The following STPG4 variants were observed in gnomAD, a reference collection of about 807,000 sequenced individuals.
STPG4 encodes the protein sperm-tail PG-rich repeat containing 4, also known as protein STPG4.
In STPG4, 41 loss-of-function variants were observed where a neutral mutation model predicts 31.5. The observed-to-expected ratio is 1.30, with a 90% CI of 1.01 to 1.69. The LOEUF (loss-of-function observed/expected upper bound fraction) is 1.69. Ranked by LOEUF, STPG4 falls within the 40% of genes most tolerant of loss-of-function variation. STPG4 has a pLI of 0.00. For missense variants in STPG4, 375 were observed against 293.4 expected (o/e 1.28, Z -2.03); for synonymous variants, 141 against 103.0 (o/e 1.37, Z -2.24).
chr2:47,112,140 G>A (rs964141826), intron 5 of STPG4, among the ~76,000 whole-genome samples: 1 of 152,008 alleles, frequency 6.6e-6, no homozygotes, highest in Admixed American at 6.6e-5. Context: ...TTTTTCATAG[G>A]TTAACCTTTG....
chr2:47,133,576 T>TTTTTTTTG, intron 3 of STPG4, among the ~76,000 whole-genome samples: 1 of 123,282 alleles, frequency 8.1e-6, no homozygotes, highest in East Asian at 2.3e-4. Context: ...AAATCTTTTT[T>TTTTTTTTG]TTTTTTTTTT....
intron 5 of STPG4, among the ~76,000 whole-genome samples, chr2:47,118,487 G>C (rs1181983736): frequency 6.6e-6 from 1 of 152,088 alleles, no homozygotes; most frequent in African/African-American, 2.4e-5. Flanking sequence ...TAGAAATAAG[G>C]TGCACAATAA....
At chr2:47,087,283 C>T (rs551733294) in intron 6 of STPG4, among the ~76,000 whole-genome samples, 153 bp from the exon 7 acceptor site, 7 of 152,346 alleles carry the variant, frequency 4.6e-5, no homozygotes, top group African/African-American at 1.4e-4. Context: ...GGCAGACCCT[C>T]GAATTGGAGC....
At chr2:47,119,692 G>C (rs1686227828) in intron 5 of STPG4, among the ~76,000 whole-genome samples, 1 of 152,150 alleles carries the variant, frequency 6.6e-6, no homozygotes, top group Non-Finnish European at 1.5e-5. Context: ...TTGTAGAACA[G>C]ACTAGGGGCT....
intron 5 of STPG4, among the ~76,000 whole-genome samples, chr2:47,104,418 T>C (rs1035510741): frequency 2.0e-5 from 3 of 152,004 alleles, no homozygotes; most frequent in Non-Finnish European, 2.9e-5. Context: ...GACTCATTAA[T>C]GAGGCAGAAA....
intron 5 of STPG4, among the ~76,000 whole-genome samples, chr2:47,096,996 C>G (rs757973108): frequency 2.6e-5 from 4 of 151,926 alleles, no homozygotes; most frequent in Non-Finnish European, 5.9e-5. Flanking sequence ...TGAGGAAGCT[C>G]CAGGGAAGAG....
At chr2:47,090,236 G>A in intron 6 of STPG4, 34 bp downstream of exon 6, 1 of 1,430,032 alleles carries the variant, frequency 7.0e-7, no homozygotes, top group Non-Finnish European at 9.7e-7. Context: ...ATACCCCTAG[G>A]GGTGGGGGGC....
At chr2:47,093,675 G>T (rs12463477) in intron 5 of STPG4, among the ~76,000 whole-genome samples, 59,714 of 152,128 alleles carry the variant, frequency 0.39, 12,854 homozygotes, top group Middle Eastern at 0.54. Flanking sequence ...CATGATGCAT[G>T]GCCATCCCAT....
chr2:47,101,271 T>A (rs1040946394), intron 5 of STPG4, among the ~76,000 whole-genome samples: 1 of 151,740 alleles, frequency 6.6e-6, no homozygotes, highest in East Asian at 1.9e-4. Context: ...GTTGGGATCA[T>A]TGGTTTGCCT....
chr2:47,109,983 A>C (rs1055886395), intron 5 of STPG4, among the ~76,000 whole-genome samples: 2 of 148,956 alleles, frequency 1.3e-5, no homozygotes, highest in Non-Finnish European at 2.9e-5. Flanking sequence ...TCCTTTCCTT[A>C]TTCTTTATAG....
At chr2:47,091,934 A>C (rs898336612) in intron 5 of STPG4, among the ~76,000 whole-genome samples, 8 of 151,304 alleles carry the variant, frequency 5.3e-5, no homozygotes, top group Non-Finnish European at 1.0e-4. Context: ...AATAAATTAC[A>C]ACGCTTCCAT....
chr2:47,117,930 A>ATATATATATTT (rs1491090707), intron 5 of STPG4, among the ~76,000 whole-genome samples: 1,953 of 117,380 alleles, frequency 0.017, 35 homozygotes, highest in African/African-American at 0.07. Context: ...ATATATATAT[A>ATATATATATTT]TTTTTTTTTT....
At chr2:47,129,301 G>C (rs1414038325) in intron 5 of STPG4, 1 of 152,360 alleles carries the variant, frequency 6.6e-6, no homozygotes, top group Admixed American at 6.5e-5. Flanking sequence ...TGTCTCACTA[G>C]GTCTTGTGTA....
intron 6 of STPG4, among the ~76,000 whole-genome samples, chr2:47,087,620 T>G (rs1685482352): frequency 6.6e-6 from 1 of 152,196 alleles, no homozygotes; most frequent in African/African-American, 2.4e-5. Flanking sequence ...CCAGAGTTAT[T>G]AAAGTAAGGT....
chr2:47,107,644 C>G (rs969403058), intron 5 of STPG4, among the ~76,000 whole-genome samples: 1 of 152,174 alleles, frequency 6.6e-6, no homozygotes, highest in Non-Finnish European at 1.5e-5. Flanking sequence ...CCCATCGACA[C>G]CCAAGGGCTG....
intron 3 of STPG4, among the ~76,000 whole-genome samples, chr2:47,145,929 G>T (rs910199682): frequency 2.0e-5 from 3 of 152,118 alleles, no homozygotes; most frequent in Non-Finnish European, 4.4e-5. Context: ...AATTTAAATG[G>T]GGCTCATTGA....
chr2:47,111,221 G>A (rs1471419340), intron 5 of STPG4, among the ~76,000 whole-genome samples: 1 of 152,150 alleles, frequency 6.6e-6, no homozygotes, highest in East Asian at 1.9e-4. Flanking sequence ...GTTGGTGGTG[G>A]TGGGGAGGGG....
intron 5 of STPG4, among the ~76,000 whole-genome samples, chr2:47,119,341 G>C (rs1686219375): frequency 6.6e-6 from 1 of 152,204 alleles, no homozygotes; most frequent in Non-Finnish European, 1.5e-5. Context: ...AAAATGGAAT[G>C]GATGAGGTGA....
At chr2:47,107,535 C>T (rs1478496686) in intron 5 of STPG4, among the ~76,000 whole-genome samples, 2 of 152,170 alleles carry the variant, frequency 1.3e-5, no homozygotes, top group East Asian at 1.9e-4. Context: ...GGCTCAGGAC[C>T]TGCAGCCCGC....
Sources: allele counts gnomAD v4.1 joint callset (sites outside exome capture counted in the v4.1 genomes callset), GRCh38; gene constraint gnomAD v4.1.1; transcripts MANE v1.5; gene names NCBI Gene and HGNC (gene_info 2026-07-23, HGNC 2026-07-21).